DAB1: variants seen among roughly 807,000 people sequenced by gnomAD.
The protein encoded by DAB1 is disabled homolog 1.
In DAB1, 15 loss-of-function variants were observed where a neutral mutation model predicts 64.6. The ratio of observed to expected loss-of-function variants is 0.23; its 90% CI spans 0.16 to 0.36. The LOEUF (loss-of-function observed/expected upper bound fraction) is 0.36, where lower values mean the gene tolerates loss of function less well. Ranked by LOEUF, DAB1 falls within the 10% of genes least tolerant of loss-of-function variation. The pLI, the probability that DAB1 is intolerant of heterozygous loss-of-function variation, is 1.00. For synonymous variants in DAB1, 235 were observed against 251.9 expected (o/e 0.93, Z 0.64); for missense variants, 596 against 706.7 (o/e 0.84, Z 1.78).
intron 4 of DAB1, among the ~76,000 whole-genome samples, chr1:57,072,853 A>G (rs1406833176): frequency 6.6e-6 from 1 of 152,168 alleles, no homozygotes; most frequent in Non-Finnish European, 1.5e-5. Flanking sequence ...CATTCATAGA[A>G]CTATACATGT....
chr1:58,155,096 G>C (rs992080882), intron 4 of DAB1, among the ~76,000 whole-genome samples: 2 of 152,138 alleles, frequency 1.3e-5, no homozygotes, highest in African/African-American at 4.8e-5. Context: ...CCTCAGGGCC[G>C]GCCCAGACCT....
At chr1:57,962,869 G>A (rs1485815405) in intron 5 of DAB1, among the ~76,000 whole-genome samples, 1 of 149,278 alleles carries the variant, frequency 6.7e-6, no homozygotes, top group Non-Finnish European at 1.5e-5. Flanking sequence ...GTGAGATCCT[G>A]TCTCAAAAAA....
At chr1:57,376,061 T>C (rs574298843) in intron 1 of DAB1, among the ~76,000 whole-genome samples, 2 of 152,316 alleles carry the variant, frequency 1.3e-5, no homozygotes, top group Admixed American at 6.5e-5. Context: ...AGAGATTCCA[T>C]GGTAACACAA....
At chr1:57,381,784 T>A (rs969930283) in intron 1 of DAB1, among the ~76,000 whole-genome samples, 1 of 152,176 alleles carries the variant, frequency 6.6e-6, no homozygotes, top group Non-Finnish European at 1.5e-5. Flanking sequence ...CCCACATTCA[T>A]CCCTTATTAT....
At chr1:57,089,545 G>C (rs1653436735) in intron 4 of DAB1, among the ~76,000 whole-genome samples, 1 of 152,032 alleles carries the variant, frequency 6.6e-6, no homozygotes, top group African/African-American at 2.4e-5. Flanking sequence ...CAGATGGCCA[G>C]AGCAGGGGCA....
chr1:57,987,004 G>T (rs1469254012), intron 5 of DAB1, among the ~76,000 whole-genome samples: 1 of 152,146 alleles, frequency 6.6e-6, no homozygotes, highest in Non-Finnish European at 1.5e-5. Context: ...GCTTGTAAGG[G>T]GTAGTGCTGA....
intron 1 of DAB1, among the ~76,000 whole-genome samples, chr1:57,345,187 AC>A (rs1484301125): frequency 6.6e-6 from 1 of 152,186 alleles, no homozygotes; most frequent in East Asian, 1.9e-4. Context: ...AACAGAGGGA[AC>A]ACTGTGCTGA....
At chr1:58,436,060 C>T (rs1445829047) in intron 3 of DAB1, among the ~76,000 whole-genome samples, 1 of 152,144 alleles carries the variant, frequency 6.6e-6, no homozygotes, top group East Asian at 1.9e-4. Context: ...CCAGCCTCAC[C>T]TACTCTGTGG....
At chr1:57,042,525 C>G (rs532868584) in intron 9 of DAB1, among the ~76,000 whole-genome samples, 1 of 152,262 alleles carries the variant, frequency 6.6e-6, no homozygotes, top group East Asian at 1.9e-4. Flanking sequence ...GGCACAATGA[C>G]TATTACCTTC....
intron 1 of DAB1, among the ~76,000 whole-genome samples, chr1:58,543,181 T>C (rs1450574910): frequency 2.6e-5 from 4 of 152,206 alleles, no homozygotes; most frequent in African/African-American, 7.2e-5. Context: ...ATGCGCTTTC[T>C]TCAATGAGTT....
intron 4 of DAB1, among the ~76,000 whole-genome samples, chr1:58,211,413 A>G (rs1658544618): frequency 6.6e-6 from 1 of 152,176 alleles, no homozygotes; most frequent in Non-Finnish European, 1.5e-5. Flanking sequence ...CATTCTAAGA[A>G]AATAACTTTT....
At chr1:57,546,909 T>C (rs1644861730) in intron 7 of DAB1, among the ~76,000 whole-genome samples, 1 of 152,162 alleles carries the variant, frequency 6.6e-6, no homozygotes, top group Non-Finnish European at 1.5e-5. Flanking sequence ...TTAATAGTGA[T>C]GGGAGATTAT....
chr1:57,595,137 AGTT>A (rs944174369), intron 7 of DAB1, among the ~76,000 whole-genome samples: 7 of 152,038 alleles, frequency 4.6e-5, no homozygotes, highest in Non-Finnish European at 8.8e-5. Context: ...TTTTGAATAT[AGTT>A]GTTGTTTTTA....
chr1:57,193,576 C>T (rs994226808), intron 2 of DAB1, among the ~76,000 whole-genome samples: 2 of 151,904 alleles, frequency 1.3e-5, no homozygotes, highest in South Asian at 2.1e-4. Context: ...TTAGTAGAGA[C>T]GGGGTTTCAC....
intron 6 of DAB1, among the ~76,000 whole-genome samples, chr1:57,710,653 G>C (rs540727421): frequency 6.6e-6 from 1 of 151,906 alleles, no homozygotes; most frequent in Admixed American, 6.6e-5. Flanking sequence ...TTTTTTTGGG[G>C]GGGGGAGGTT....
chr1:58,226,166 CA>C (rs1163472020), intron 4 of DAB1, among the ~76,000 whole-genome samples: 1 of 152,124 alleles, frequency 6.6e-6, no homozygotes, highest in African/African-American at 2.4e-5. Context: ...CCATCAGCCA[CA>C]GCTATTTTGT....
chr1:57,166,862 A>C (rs1661252707), intron 2 of DAB1, among the ~76,000 whole-genome samples: 1 of 152,298 alleles, frequency 6.6e-6, no homozygotes, highest in Non-Finnish European at 1.5e-5. Context: ...CAGTTGTCCA[A>C]GTCAGACAGC....
chr1:58,485,228 T>TAAA (rs71043289), intron 3 of DAB1, among the ~76,000 whole-genome samples: 31 of 42,046 alleles, frequency 7.4e-4, no homozygotes, highest in East Asian at 4.9e-3. Flanking sequence ...AGTCTACTAC[T>TAAA]AAAAAAAAAA....
At chr1:58,036,236 G>A (rs1361842633) in intron 5 of DAB1, among the ~76,000 whole-genome samples, 2 of 152,168 alleles carry the variant, frequency 1.3e-5, no homozygotes, top group African/African-American at 2.4e-5. Context: ...CAATGACTCC[G>A]TGAATGTGGA....
Sources: gnomAD v4.1 joint callset for allele counts (sites outside exome capture counted in the v4.1 genomes callset) on GRCh38, gnomAD v4.1.1 for gene constraint, MANE v1.5 for transcripts, NCBI Gene and HGNC (gene_info 2026-07-23, HGNC 2026-07-21) for gene names.